The following TMEM70 variants were observed in gnomAD, a reference collection of about 807,000 sequenced individuals.
The protein encoded by TMEM70 is transmembrane protein 70.
Under a neutral mutation model 20.5 loss-of-function variants are expected in TMEM70, and 15 were observed. That is an observed-to-expected ratio of 0.73 (90% CI 0.49 to 1.13). TMEM70 has a LOEUF of 1.13. TMEM70 is among the 50% of genes most tolerant of loss of function. The probability of loss-of-function intolerance (pLI) is 0.00; values close to 1 mark genes in which losing one functional copy is unlikely to be tolerated. For synonymous variants in TMEM70, 141 were observed against 134.2 expected (o/e 1.05, Z -0.35); for missense variants, 344 against 331.7 (o/e 1.04, Z -0.29).
At chr8:73,979,021 T>A in intron 2 of TMEM70, 160 bp downstream of exon 2, 1 of 871,528 alleles carries the variant, frequency 1.1e-6, no homozygotes, top group Non-Finnish European at 1.8e-6. Flanking sequence ...TGATAAGATG[T>A]AGAGACCTTT....
intron 2 of TMEM70, among the ~76,000 whole-genome samples, chr8:73,979,661 C>T (rs1389506962): frequency 1.3e-5 from 2 of 151,984 alleles, no homozygotes; most frequent in African/African-American, 4.8e-5. Flanking sequence ...GGCTGGAGTG[C>T]AGTGGTGTGA....
chr8:73,978,950 C>T, intron 2 of TMEM70, 89 bp downstream of exon 2: 1 of 1,479,754 alleles, frequency 6.8e-7, no homozygotes, highest in South Asian at 1.2e-5. Flanking sequence ...GTTGTTATGG[C>T]ATCCCTTAAT....
intron 2 of TMEM70, 152 bp downstream of exon 2, chr8:73,979,013 A>G: frequency 7.4e-6 from 7 of 947,942 alleles, no homozygotes; most frequent in Non-Finnish European, 9.7e-6. Flanking sequence ...AGGTGTGTTG[A>G]TAAGATGTAG....
rs532819402 is a variant in TMEM70 at position 73,979,620 on chromosome 8, T to C, written c.316+759T>C. Among the ~76,000 whole-genome samples the C allele has an allele frequency of 2.0e-5, 3 of 152,322 alleles. No individual in the cohort carries two copies. The East Asian group carries it at 5.8e-4, about 29-fold the overall frequency. On this transcript the variant is annotated intron_variant, in intron 2 of 2. Transcript: ENST00000312184. The stretch of plus-strand genomic sequence containing the variant: ...GAAGCCATTTTTTAAAAATAATTTT[T>C]ATTTTTTAGAGACAGGGTCTCTGTC...
At position 73,981,986 on chromosome 8, in the gene TMEM70, C is replaced by T. The variant is rs192728446; in HGVS notation, c.*365C>T. The T allele has an allele frequency of 8.7e-5, 41 of 471,196 alleles. No homozygotes were observed. The East Asian group carries it at 2.7e-3, about 31-fold the overall frequency. The allele number at this position is 471,196 out of a possible 1,614,324, so 29.2% of individuals were successfully genotyped here. On this transcript the variant is annotated 3_prime_UTR_variant, in exon 3 of 3. Coordinates refer to ENST00000312184, the MANE Select transcript of TMEM70 (RefSeq NM_017866.6). ...ATAAATATTTTCCGACATTAAAAGACATTTTCTCTTTGAGGAAGACACAGT... is the reference window on the plus strand; with the variant it reads ...ATAAATATTTTCCGACATTAAAAGATATTTTCTCTTTGAGGAAGACACAGT...
intron 2 of TMEM70, chr8:73,979,246 C>G (rs1045385214): frequency 3.3e-6 from 1 of 302,752 alleles, no homozygotes; most frequent in African/African-American, 2.2e-5. Flanking sequence ...TCAGGCTGGT[C>G]TTGAACTCCT....
rs756982905 is a variant in TMEM70, at chr8:73,981,361, A to G, written c.523A>G (p.Thr175Ala). The change falls in exon 3 of 3, where the codon ACA (threonine) becomes GCA (alanine). Residue 175 changes from threonine (T) to alanine (A), a missense_variant. Coordinates refer to ENST00000312184, the MANE Select transcript of TMEM70 (RefSeq NM_017866.6). Reference protein sequence around the residue: ...GYVIRLYHEATTDTYKAITYN... With the variant: ...GYVIRLYHEAATDTYKAITYN... ...TGTCATTCGATTGTACCATGAGGCC[A>G]CAACAGACACTTATAAAGCCATTAC... 3.1e-6 allele frequency: 5 copies of G among 1,614,234 alleles called. No individual in the cohort carries two copies. The highest frequency in any genetic ancestry group is 4.2e-6 in the Non-Finnish European group (5 of 1,180,044).
Position 73,978,851 on chromosome 8 carries a change from A to G in TMEM70, c.306A>G (p.Arg102=). The G allele has an allele frequency of 1.2e-6, 2 of 1,614,122 alleles. No homozygotes were observed. Among genetic ancestry groups the G allele is most frequent in the African/African-American group, 1.3e-5 (1 of 75,054 alleles). The change falls in exon 2 of 3, where the codon CGA becomes CGG. Residue 102 remains arginine, a synonymous_variant. Transcript: ENST00000312184. ...GRLIYTGNMA[R]AVFGVKCFSY... is the part of the protein sequence containing the mutation. ...TAATTTATACTGGCAATATGGCCCG[A>G]GCAGTGTTTGGTAAGTAATTGGAGG...
In TMEM70 at chr8:73,981,604, C is replaced by T. The variant is rs542197363; in HGVS notation, c.766C>T (p.His256Tyr). The change falls in exon 3 of 3, where the codon CAT becomes TAT. Residue 256 changes from histidine (H) to tyrosine (Y), a missense_variant. Transcript: ENST00000312184. ...YMEETSEEKRHKDDK is the reference protein window; with the variant it reads ...YMEETSEEKRYKDDK ...GGAAGAAACCAGTGAAGAGAAACGG[C>T]ATAAAGATGACAAATGAGCCTATTT... 27 of 1,607,294 alleles carry T rather than the reference C, an allele frequency of 1.7e-5. No individual in the cohort carries two copies. The highest frequency in any genetic ancestry group is 2.3e-5 in the Non-Finnish European group (27 of 1,176,274).
chr8:73,977,612 C>G (rs758827887), intron 1 of TMEM70, among the ~76,000 whole-genome samples: 10 of 152,050 alleles, frequency 6.6e-5, no homozygotes, highest in Non-Finnish European at 1.2e-4. Flanking sequence ...TGTAAAAGGC[C>G]TGGACTTTAA....
rs763730281 is a variant in TMEM70, at chr8:73,976,206, A to G, written c.-76A>G. ...GCTGGGCATGCGCCACTTGTGCGGCAGTCGGGTGGGAAGCCGTGTCTCGCA... is the reference window on the plus strand; with the variant it reads ...GCTGGGCATGCGCCACTTGTGCGGCGGTCGGGTGGGAAGCCGTGTCTCGCA... On this transcript the variant is annotated 5_prime_UTR_variant, in exon 1 of 3. Coordinates refer to ENST00000312184, the MANE Select transcript of TMEM70 (RefSeq NM_017866.6). 9.4e-6 allele frequency: 13 copies of G among 1,382,246 alleles called. No individual in the cohort carries two copies. In the South Asian group the frequency reaches 1.3e-4, roughly 14 times the overall value. The allele number at this position is 1,382,246 out of a possible 1,614,324, so 85.6% of individuals were successfully genotyped here.
Position 73,982,760 on chromosome 8 carries a change from C to T in TMEM70, c.*1139C>T, listed in dbSNP as rs1158301846. 1 of 453,418 alleles carries T rather than the reference C, an allele frequency of 2.2e-6. No homozygotes were observed. The highest frequency in any genetic ancestry group is 6.9e-5 in the East Asian group (1 of 14,402). 28.1% of individuals were successfully genotyped at this position (453,418 alleles called of 1,614,324 possible). ...GCACCCTATGGGTGTAGGAAAACCA[C>T]TGTTATTAAACAGGTGAAAAATACC... On this transcript the variant is annotated 3_prime_UTR_variant, in exon 3 of 3. Coordinates refer to ENST00000312184, the MANE Select transcript of TMEM70 (RefSeq NM_017866.6).
chr8:73,976,514 TC>T (rs937045980), intron 1 of TMEM70, 23 bp downstream of exon 1: 63 of 1,498,420 alleles, frequency 4.2e-5, no homozygotes, highest in Non-Finnish European at 5.0e-5. Flanking sequence ...AGGTCTGGTG[TC>T]CCAAGTGAGG....
chr8:73,982,642 G>T lies in TMEM70; in HGVS notation c.*1021G>T. 2.1e-6 allele frequency: 1 copy of T among 470,680 alleles called. No homozygotes were observed. Among genetic ancestry groups the T allele is most frequent in the Non-Finnish European group, 4.2e-6 (1 of 237,470 alleles). 29.2% of individuals were successfully genotyped at this position (470,680 alleles called of 1,614,324 possible). On this transcript the variant is annotated 3_prime_UTR_variant, in exon 3 of 3. Coordinates refer to ENST00000312184, the MANE Select transcript of TMEM70 (RefSeq NM_017866.6). ...TTGCCCATAAGAACATACATGTACA[G>T]TTGAACTGGTGGTTAGCTATACGGG... is the stretch of plus-strand genomic sequence containing the variant.
rs1455941797 is a variant in TMEM70, at chr8:73,982,434, A to T, written c.*813A>T. ...AAGCAGATTACTTCCATCAGTATTG[A>T]GCCAGGAGTTGAGATGGAAGTCACC... On this transcript the variant is annotated 3_prime_UTR_variant, in exon 3 of 3. Coordinates refer to ENST00000312184, the MANE Select transcript of TMEM70 (RefSeq NM_017866.6). 7 of 796,730 alleles carry T rather than the reference A, an allele frequency of 8.8e-6. No individual in the cohort carries two copies. The highest frequency in any genetic ancestry group is 1.5e-5 in the Non-Finnish European group (7 of 470,814). The allele number at this position is 796,730 out of a possible 1,614,324, so 49.4% of individuals were successfully genotyped here.
intron 2 of TMEM70, 39 bp downstream of exon 2, chr8:73,978,900 T>G: frequency 1.9e-6 from 3 of 1,609,944 alleles, no homozygotes; most frequent in Non-Finnish European, 1.7e-6. Flanking sequence ...TTTGTTTTTT[T>G]CTCTTTTAAT....
Position 73,982,154 on chromosome 8 carries a change from C to A in TMEM70, c.*533C>A, listed in dbSNP as rs189246143. 2.3e-5 allele frequency: 12 copies of A among 532,026 alleles called. No individual in the cohort carries two copies. The highest frequency in any genetic ancestry group is 1.7e-4 in the South Asian group (12 of 71,630). 33.0% of individuals were successfully genotyped at this position (532,026 alleles called of 1,614,324 possible). On this transcript the variant is annotated 3_prime_UTR_variant, in exon 3 of 3. Transcript: ENST00000312184. The stretch of plus-strand genomic sequence containing the variant: ...CTTTTAAACATACCAGAAAAACACC[C>A]GTGGAGTCAGAGGTGGCAATTCACC...
Position 73,981,306 on chromosome 8 carries a change from A to AGT in TMEM70, c.470_471dup (p.Leu158CysfsTer44). The AGT allele has an allele frequency of 2.5e-6, 4 of 1,614,210 alleles. No homozygotes were observed. Among genetic ancestry groups the AGT allele is most frequent in the Non-Finnish European group, 3.4e-6 (4 of 1,180,032 alleles). ...TGGGAAGCTTTACGGTGATCACCCC[A>AGT]GTGCTGCTTCACTTTATTACAAAAG... On this transcript the variant is annotated frameshift_variant, in exon 3 of 3. Transcript: ENST00000312184. LOFTEE classifies it high-confidence loss of function.
chr8:73,978,726 A>G lies in TMEM70; in HGVS notation c.211-30A>G, dbSNP rs62509309. On this transcript the variant is annotated intron_variant, in intron 1 of 2. Coordinates refer to ENST00000312184, the MANE Select transcript of TMEM70 (RefSeq NM_017866.6). ...AAACTTAAAAAAATTTAAGAAGGTT[A>G]GTTGACCATAATGATCCCTGTTTCA... 747,930 of 1,608,850 alleles carry G rather than the reference A, an allele frequency of 0.46. 176,722 individuals carry two copies. The highest frequency in any genetic ancestry group is 0.6 in the Admixed American group (35,707 of 59,872).
Sources: gnomAD v4.1 joint callset for allele counts (sites outside exome capture counted in the v4.1 genomes callset) on GRCh38, gnomAD v4.1.1 for gene constraint, MANE v1.5 for transcripts, NCBI Gene and HGNC (gene_info 2026-07-23, HGNC 2026-07-21) for gene names.